Variants in MKRN1 observed in about 807,000 individuals in gnomAD.
MKRN1 encodes the protein E3 ubiquitin-protein ligase makorin-1.
In MKRN1, 9 loss-of-function variants were observed where a neutral mutation model predicts 55.5. That is an observed-to-expected ratio of 0.16 (90% CI 0.10 to 0.28). The LOEUF (loss-of-function observed/expected upper bound fraction) is 0.28, where lower values mean the gene tolerates loss of function less well. Ranked by LOEUF, MKRN1 falls within the 10% of genes least tolerant of loss-of-function variation. The probability of loss-of-function intolerance (pLI) is 1.00; values close to 1 mark genes in which losing one functional copy is unlikely to be tolerated. For synonymous variants in MKRN1, 253 were observed against 235.9 expected, an observed-to-expected ratio of 1.07 and a Z score of -0.66; for missense variants, 488 against 626.7, an observed-to-expected ratio of 0.78 and a Z score of 2.36.
rs1332864503 is a variant in MKRN1, at chr7:140,463,814, G to A, written c.315-3878C>T. Among the ~76,000 whole-genome samples, 4 of 152,106 alleles carry A rather than the reference G, an allele frequency of 2.6e-5. 1 individual carries two copies. The highest frequency in any genetic ancestry group is 6.5e-5 in the Admixed American group (1 of 15,280). ...GGAGGAGAATGGCGTGAACCTGGGA[G>A]GCGGAGCTTCCAGTGAGAGAGCTGA... On this transcript the variant is annotated intron_variant, in intron 2 of 7. Transcript: ENST00000255977.
In MKRN1 at chr7:140,455,201, C is replaced by T. The variant is rs1285876700; in HGVS notation, c.1130G>A (p.Arg377His). 1.9e-6 allele frequency: 3 copies of T among 1,614,078 alleles called. No homozygotes were observed. The highest frequency in any genetic ancestry group is 4.5e-5 in the East Asian group (2 of 44,874). Residue 377 changes from arginine (R) to histidine (H), a missense_variant, in exon 7 of 8, where the codon CGT becomes CAT. Transcript: ENST00000255977. ...NKACRYFDEGRGSCPFGGNCF... is the reference protein window; with the variant it reads ...NKACRYFDEGHGSCPFGGNCF... ...GTTCCCTCCAAATGGGCAGCTCCCA[C>T]GTCCTTCATCAAAATACCTGCACGC...
chr7:140,454,686 T>G lies in MKRN1; in HGVS notation c.1280A>C (p.Glu427Ala), dbSNP rs1062785. 1.9e-6 allele frequency: 3 copies of G among 1,614,012 alleles called. No homozygotes were observed. In the South Asian group the frequency reaches 3.3e-5, roughly 18 times the overall value. ...NHFWELIEER[E>A]NSNPFDNDEE... ...ATCGTTGTCAAAGGGGTTGCTGTTC[T>G]CTCTTTCCTCAATGAGTTCCCAGAA... is the stretch of plus-strand genomic sequence containing the variant. The change falls in exon 8 of 8, where the codon GAG becomes GCG. Residue 427 changes from glutamate to alanine, a missense_variant. Glu to Ala is a moderately radical substitution (Grantham distance 107, BLOSUM62 -1). Coordinates refer to ENST00000255977, the MANE Select transcript of MKRN1 (RefSeq NM_013446.4).
chr7:140,468,251 C>T (rs916350334), intron 2 of MKRN1, among the ~76,000 whole-genome samples: 1 of 152,030 alleles, frequency 6.6e-6, no homozygotes, highest in Non-Finnish European at 1.5e-5. Context: ...TTGGCAGTAA[C>T]TCTCAAAAGA....
chr7:140,459,211 T>A lies in MKRN1; in HGVS notation c.567A>T (p.Ala189=). The A allele has an allele frequency of 6.2e-7, 1 of 1,613,838 alleles. No individual in the cohort carries two copies. Among genetic ancestry groups the A allele is most frequent in the Non-Finnish European group, 8.5e-7 (1 of 1,179,842 alleles). The change falls in exon 4 of 8, where the codon GCA becomes GCT. Residue 189 remains alanine (A), a synonymous_variant. Transcript: ENST00000255977. The part of the protein sequence containing the change: ...CGRTAPSCTE[A]PLQGSVTKEE... Reference sequence around the variant, plus strand: ...CCTTGGTCACTGAGCCCTGCAGGGGTGCTTCAGTGCAGGAAGGCGCAGCTG... The same window carrying A: ...CCTTGGTCACTGAGCCCTGCAGGGGAGCTTCAGTGCAGGAAGGCGCAGCTG...
rs1360804191 is a variant in MKRN1 at position 140,459,774 on chromosome 7, T to A, written c.477A>T (p.Val159=). Reference sequence around the variant, plus strand: ...TCACCCAGTCCTCTGAACCTGCTCCTACAGTTGCAAAGTTTGAATTTCTTG... The same window carrying A: ...TCACCCAGTCCTCTGAACCTGCTCCAACAGTTGCAAAGTTTGAATTTCTTG... ...AESRNSNFAT[V]GAGSEDWVNA... The change falls in exon 3 of 8, where the codon GTA becomes GTT. Residue 159 remains valine (V), a synonymous_variant. Coordinates refer to ENST00000255977, the MANE Select transcript of MKRN1 (RefSeq NM_013446.4). The A allele has an allele frequency of 6.2e-7, 1 of 1,613,974 alleles. No individual in the cohort carries two copies. The highest frequency in any genetic ancestry group is 1.3e-5 in the African/African-American group (1 of 75,052).
intron 2 of MKRN1, among the ~76,000 whole-genome samples, chr7:140,467,760 T>TG (rs1308918900): frequency 6.6e-6 from 1 of 151,712 alleles, no homozygotes. Flanking sequence ...CCCAGCACTC[T>TG]GGGAGGCTGA....
chr7:140,469,576 A>G (rs1794863304), intron 2 of MKRN1, among the ~76,000 whole-genome samples: 1 of 152,094 alleles, frequency 6.6e-6, no homozygotes, highest in African/African-American at 2.4e-5. Flanking sequence ...CTCTGGGGAA[A>G]GCTAGCTGCC....
intron 2 of MKRN1, among the ~76,000 whole-genome samples, chr7:140,471,521 G>C (rs1320890798): frequency 6.6e-6 from 1 of 152,126 alleles, no homozygotes. Context: ...CCAGGCTGGA[G>C]CGCAGTGGCG....
chr7:140,476,420 T>G (rs1795117070), intron 1 of MKRN1, among the ~76,000 whole-genome samples: 1 of 134,548 alleles, frequency 7.4e-6, no homozygotes, highest in African/African-American at 3.0e-5. Context: ...TGCAGTGAGC[T>G]GAGATCTCGC....
At chr7:140,458,857 C>T in intron 4 of MKRN1, 150 bp downstream of exon 4, 1 of 768,172 alleles carries the variant, frequency 1.3e-6, no homozygotes, top group Non-Finnish European at 2.1e-6. Context: ...CTTGATAAAG[C>T]ATCCAAGAAG....
chr7:140,459,551 C>G (rs1031324194), intron 3 of MKRN1, among the ~76,000 whole-genome samples, 156 bp downstream of exon 3: 3 of 152,164 alleles, frequency 2.0e-5, no homozygotes, highest in Non-Finnish European at 4.4e-5. Context: ...TTCCTTCACT[C>G]TATCTGTAAA....
chr7:140,463,623 C>T (rs538377050), intron 2 of MKRN1, among the ~76,000 whole-genome samples: 113 of 152,178 alleles, frequency 7.4e-4, no homozygotes, highest in Non-Finnish European at 1.2e-3. Context: ...CGGTGGCTCA[C>T]GCCTGTAATC....
At chr7:140,463,222 A>G (rs905990519) in intron 2 of MKRN1, among the ~76,000 whole-genome samples, 2 of 152,244 alleles carry the variant, frequency 1.3e-5, no homozygotes, top group African/African-American at 4.8e-5. Flanking sequence ...GAATCCTATA[A>G]GCTGAAGGAT....
chr7:140,462,780 C>T (rs1454423697), intron 2 of MKRN1, among the ~76,000 whole-genome samples: 4 of 151,920 alleles, frequency 2.6e-5, no homozygotes, highest in African/African-American at 4.8e-5. Flanking sequence ...CTGGCTAACA[C>T]GGTGAAACCC....
chr7:140,466,985 T>C (rs1391340969), intron 2 of MKRN1, among the ~76,000 whole-genome samples: 1 of 151,702 alleles, frequency 6.6e-6, no homozygotes, highest in Non-Finnish European at 1.5e-5. Flanking sequence ...TTTTCTTTTT[T>C]TTTTTTTTTG....
At chr7:140,469,994 G>C (rs1313237520) in intron 2 of MKRN1, among the ~76,000 whole-genome samples, 1 of 149,054 alleles carries the variant, frequency 6.7e-6, no homozygotes, top group Admixed American at 6.9e-5. Context: ...GTTGCAGTGA[G>C]CTGAGGCTGT....
chr7:140,466,030 G>A (rs1794755703), intron 2 of MKRN1, among the ~76,000 whole-genome samples: 2 of 151,960 alleles, frequency 1.3e-5, no homozygotes, highest in Non-Finnish European at 2.9e-5. Context: ...GCATTGAGCC[G>A]AGATCACGCC....
In MKRN1 at chr7:140,479,361, C is replaced by G. The variant is rs1000380284; in HGVS notation, c.-17G>C. ...CTCCGCCATTACTGTTTATCCCACACAGCAAAGGCCCCGGAACTTCCGGGA... is the reference window on the plus strand; with the variant it reads ...CTCCGCCATTACTGTTTATCCCACAGAGCAAAGGCCCCGGAACTTCCGGGA... On this transcript the variant is annotated 5_prime_UTR_variant, in exon 1 of 8. Coordinates refer to ENST00000255977, the MANE Select transcript of MKRN1 (RefSeq NM_013446.4). 9 of 1,283,390 alleles carry G rather than the reference C, an allele frequency of 7.0e-6. No individual in the cohort carries two copies. The African/African-American group carries it at 1.1e-4, about 15-fold the overall frequency. 79.5% of individuals were successfully genotyped at this position (1,283,390 alleles called of 1,614,324 possible). A position where few individuals can be genotyped will look rare whatever the true frequency, so the allele number is the denominator to read the frequency against.
chr7:140,454,831 A>T, intron 7 of MKRN1, 102 bp from the exon 8 acceptor site: 1 of 1,246,504 alleles, frequency 8.0e-7, no homozygotes, highest in Non-Finnish European at 1.2e-6. Flanking sequence ...GGCATGACGA[A>T]CCAGACTTCT....
Sources: gnomAD v4.1 joint callset for allele counts (sites outside exome capture counted in the v4.1 genomes callset) on GRCh38, gnomAD v4.1.1 for gene constraint, MANE v1.5 for transcripts, NCBI Gene and HGNC (gene_info 2026-07-23, HGNC 2026-07-21) for gene names.